Variants in FKBP1A observed in about 807,000 individuals in gnomAD.
FKBP1A encodes FKBP prolyl isomerase 1A.
In FKBP1A, 5 loss-of-function variants were observed where a neutral mutation model predicts 14.2. The ratio of observed to expected loss-of-function variants is 0.35; its 90% CI spans 0.18 to 0.74. FKBP1A has a LOEUF of 0.74. Ranked by LOEUF, FKBP1A falls within the 30% of genes least tolerant of loss-of-function variation. The pLI is 0.56. For synonymous variants in FKBP1A, 42 were observed against 49.1 expected, an observed-to-expected ratio of 0.86 and a Z score of 0.60; for missense variants, 53 against 138.8, an observed-to-expected ratio of 0.38 and a Z score of 3.10.
At position 1,369,364 on chromosome 20, in the gene FKBP1A, T is replaced by C. The variant is rs1180427146; in HGVS notation, c.*745A>G. 6.1e-6 allele frequency: 1 copy of C among 162,704 alleles called. No individual in the cohort carries two copies. The highest frequency in any genetic ancestry group is 2.5e-5 in the African/African-American group (1 of 39,490). 10.1% of individuals were successfully genotyped at this position (162,704 alleles called of 1,614,324 possible). A position where few individuals can be genotyped will look rare whatever the true frequency, so the allele number is the denominator to read the frequency against. ...GATTACAAAATTCCTGAAAGTCCAT[T>C]AGAAAAACCACAGGATGAAAAAAAA... On this transcript the variant is annotated 3_prime_UTR_variant, in exon 5 of 5. Coordinates refer to ENST00000400137, the MANE Select transcript of FKBP1A (RefSeq NM_000801.5).
intron 4 of FKBP1A, chr20:1,371,740 A>G (rs2089467430): frequency 9.9e-7 from 1 of 1,013,302 alleles, no homozygotes; most frequent in Admixed American, 5.8e-5. Flanking sequence ...TCTTATTTCC[A>G]AAGAACTAAA....
rs1367023349 is a variant in FKBP1A, at chr20:1,379,147, T to C, written c.86-3544A>G. Among the ~76,000 whole-genome samples, 1 of 152,190 alleles carries C rather than the reference T, an allele frequency of 6.6e-6. No individual in the cohort carries two copies. Among genetic ancestry groups the C allele is most frequent in the Non-Finnish European group, 1.5e-5 (1 of 68,040 alleles). The stretch of plus-strand genomic sequence containing the variant: ...GAACACGGCTCTGACCTGTGCAAGA[T>C]CGTATTTTGATTGCAGTGAAAGCCA... On this transcript the variant is annotated intron_variant, in intron 2 of 4. Transcript: ENST00000400137. This position sits in a 1 kb window ranked among gnomAD's most constrained non-coding sequence, Gnocchi z 4.3.
At chr20:1,373,121 A>G (rs968517291) in intron 3 of FKBP1A, 2 of 152,252 alleles carry the variant, frequency 1.3e-5, no homozygotes, top group African/African-American at 4.8e-5. Flanking sequence ...TGAAGCGTCT[A>G]GTCCTTGCTC....
intron 4 of FKBP1A, chr20:1,370,825 G>C: frequency 1.0e-6 from 1 of 985,390 alleles, no homozygotes; most frequent in Non-Finnish European, 1.2e-6. Flanking sequence ...TTCAAAAAAT[G>C]ACTCAGCTCT....
chr20:1,392,245 C>G (rs1186821205), intron 2 of FKBP1A, among the ~76,000 whole-genome samples: 1 of 152,204 alleles, frequency 6.6e-6, no homozygotes, highest in Non-Finnish European at 1.5e-5. Context: ...CCGTGCAGCT[C>G]TACTTCCCCC....
At chr20:1,389,294 G>T (rs1184515344) in intron 2 of FKBP1A, among the ~76,000 whole-genome samples, 1 of 152,168 alleles carries the variant, frequency 6.6e-6, no homozygotes, top group African/African-American at 2.4e-5. Context: ...AAGGCAAAGG[G>T]ACTTGTTGCA....
chr20:1,390,883 C>T (rs1455089050), intron 2 of FKBP1A, among the ~76,000 whole-genome samples: 1 of 152,214 alleles, frequency 6.6e-6, no homozygotes, highest in African/African-American at 2.4e-5. Flanking sequence ...TGTCCTAATG[C>T]ATGCCAGGGT....
At chr20:1,392,026 G>A (rs890386217) in intron 2 of FKBP1A, among the ~76,000 whole-genome samples, 2 of 152,216 alleles carry the variant, frequency 1.3e-5, no homozygotes, top group Non-Finnish European at 2.9e-5. Context: ...TGGCTGGGGA[G>A]GGGGAGGTGT....
chr20:1,370,168 TC>T lies in FKBP1A; in HGVS notation c.*37-97del. The T allele has an allele frequency of 3.3e-6, 5 of 1,501,816 alleles. No individual in the cohort carries two copies. In the South Asian group the frequency reaches 5.1e-5, roughly 15 times the overall value. 93.0% of individuals were successfully genotyped at this position (1,501,816 alleles called of 1,614,324 possible). A position where few individuals can be genotyped will look rare whatever the true frequency, so the allele number is the denominator to read the frequency against. On this transcript the variant is annotated intron_variant, in intron 4 of 4. Transcript: ENST00000400137. ...ATGCCATCTGCCACGCCAAATCCCT[TC>T]CCCAACAGCTGAGCAGTCTGAGACC... is the stretch of plus-strand genomic sequence containing the variant.
In FKBP1A at chr20:1,372,098, G is replaced by A. The variant is rs758493076; in HGVS notation, c.*14C>T. 6.2e-6 allele frequency: 10 copies of A among 1,613,212 alleles called. No individual in the cohort carries two copies. Among genetic ancestry groups the A allele is most frequent in the South Asian group, 4.4e-5 (4 of 90,966 alleles). ...TACCCAAGAACAGGGAGCTAAGGGA[G>A]GAGGCCATTCCTGTCATTCCAGTTT... On this transcript the variant is annotated 3_prime_UTR_variant, in exon 4 of 5. Transcript: ENST00000400137.
chr20:1,377,142 G>A (rs2089555410), intron 2 of FKBP1A: 1 of 152,204 alleles, frequency 6.6e-6, no homozygotes. Flanking sequence ...GTTCTGTTGT[G>A]TAAGAGTTTA....
Position 1,392,881 on chromosome 20 carries a change from C to A in FKBP1A, c.38G>T (p.Gly13Val). Residue 13 changes from glycine to valine, a missense_variant and splice_region_variant, in exon 2 of 5, where the codon GGG becomes GTG. Gly to Val is a moderately radical substitution (Grantham distance 109). Transcript: ENST00000400137. ...CTGGCCGCGCTTGGGGAAGGTGCGC[C>A]CTGAGGAGACAGAGACGGGCATGCT... Reference protein sequence around the residue: ...VQVETISPGDGRTFPKRGQTC... With the variant: ...VQVETISPGDVRTFPKRGQTC... 1 of 1,536,826 alleles carries A rather than the reference C, an allele frequency of 6.5e-7. No individual in the cohort carries two copies. The highest frequency in any genetic ancestry group is 1.2e-5 in the South Asian group (1 of 83,362).
At chr20:1,389,133 C>T (rs1302943486) in intron 2 of FKBP1A, among the ~76,000 whole-genome samples, 4 of 152,176 alleles carry the variant, frequency 2.6e-5, no homozygotes, top group African/African-American at 9.7e-5. Context: ...CTCTCCAGCG[C>T]TTCTTACTAC....
chr20:1,381,965 A>G (rs191065609), intron 2 of FKBP1A, among the ~76,000 whole-genome samples: 1 of 152,354 alleles, frequency 6.6e-6, no homozygotes, highest in East Asian at 1.9e-4. Flanking sequence ...AAATTTATGA[A>G]GCTGTACATT....
chr20:1,371,677 T>C (rs993143353), intron 4 of FKBP1A: 3 of 983,536 alleles, frequency 3.1e-6, no homozygotes, highest in South Asian at 4.7e-5. Flanking sequence ...GGCTTTTTTT[T>C]TCCCCCTCTA....
chr20:1,370,855 T>C (rs1184748272), intron 4 of FKBP1A: 1 of 985,326 alleles, frequency 1.0e-6, no homozygotes, highest in Non-Finnish European at 1.2e-6. Flanking sequence ...GGAAAGGGAT[T>C]TTGGCCTAGG....
chr20:1,391,852 A>T (rs1461299285), intron 2 of FKBP1A: 6 of 390,314 alleles, frequency 1.5e-5, no homozygotes, highest in Non-Finnish European at 2.7e-5. Context: ...ATTCGTATCA[A>T]CAACTGTGGC....
At position 1,369,990 on chromosome 20, in the gene FKBP1A, C is replaced by T. The variant is rs553228856; in HGVS notation, c.*119G>A. 83 of 1,547,446 alleles carry T rather than the reference C, an allele frequency of 5.4e-5. No individual in the cohort carries two copies. The highest frequency in any genetic ancestry group is 6.8e-5 in the Non-Finnish European group (78 of 1,145,336). On this transcript the variant is annotated 3_prime_UTR_variant, in exon 5 of 5. Transcript: ENST00000400137. ...CATTCAGTCAGGGCAGATGTCTATA[C>T]AAAGTGGAGTGGAACATCAGGAAAA...
chr20:1,369,746 A>T lies in FKBP1A; in HGVS notation c.*363T>A. 4.8e-6 allele frequency: 1 copy of T among 210,518 alleles called. No individual in the cohort carries two copies. 13.0% of individuals were successfully genotyped at this position (210,518 alleles called of 1,614,324 possible). A position where few individuals can be genotyped will look rare whatever the true frequency, so the allele number is the denominator to read the frequency against. On this transcript the variant is annotated 3_prime_UTR_variant, in exon 5 of 5. Coordinates refer to ENST00000400137, the MANE Select transcript of FKBP1A (RefSeq NM_000801.5). ...AACCCCCCCCCCAACACCAATTCCT[A>T]TTCTAATGTTAACCTACCACTTGTG...
Sources: allele counts gnomAD v4.1 joint callset (sites outside exome capture counted in the v4.1 genomes callset), GRCh38; gene constraint gnomAD v4.1.1; non-coding constraint Gnocchi (gnomAD v3.1); transcripts MANE v1.5; gene names NCBI Gene and HGNC (gene_info 2026-07-23, HGNC 2026-07-21).